DCC: variants seen among roughly 807,000 people sequenced by gnomAD.
DCC encodes netrin receptor DCC.
In DCC, 58 loss-of-function variants were observed where a neutral mutation model predicts 172.5. That is an observed-to-expected ratio of 0.34 (90% CI 0.27 to 0.42). The LOEUF (loss-of-function observed/expected upper bound fraction) is 0.42. Ranked by LOEUF, DCC falls within the 10% of genes least tolerant of loss-of-function variation. DCC has a pLI of 1.00. For missense variants in DCC, 1,740 were observed against 1,791.0 expected (o/e 0.97, Z 0.51); for synonymous variants, 709 against 644.5 (o/e 1.10, Z -1.52).
intron 12 of DCC, among the ~76,000 whole-genome samples, chr18:53,240,015 A>G (rs1193498706): frequency 7.4e-6 from 1 of 135,550 alleles, no homozygotes; most frequent in East Asian, 2.3e-4. Context: ...TCAAAATTCT[A>G]GTTCTAGAGT....
intron 15 of DCC, among the ~76,000 whole-genome samples, chr18:53,369,371 A>G (rs2058037589): frequency 6.6e-6 from 1 of 151,886 alleles, no homozygotes; most frequent in Non-Finnish European, 1.5e-5. Context: ...TAAAAACTGA[A>G]AAGTTATATT....
chr18:53,436,480 A>G (rs1382415985), intron 22 of DCC, among the ~76,000 whole-genome samples: 1 of 152,220 alleles, frequency 6.6e-6, no homozygotes, highest in Non-Finnish European at 1.5e-5. Context: ...GTGAAATAGA[A>G]TAGTGGTGTA....
intron 1 of DCC, among the ~76,000 whole-genome samples, chr18:52,537,792 A>G (rs1362283916): frequency 6.6e-6 from 1 of 152,200 alleles, no homozygotes; most frequent in African/African-American, 2.4e-5. Context: ...ATTATGCCTC[A>G]TGCCACTTGT....
At chr18:53,318,889 G>T in intron 13 of DCC, among the ~76,000 whole-genome samples, 1 of 151,846 alleles carries the variant, frequency 6.6e-6, no homozygotes, top group East Asian at 1.9e-4. Context: ...ACAAAGGGAA[G>T]CCCATCAGAC....
At chr18:53,058,796 A>G (rs1157590307) in intron 5 of DCC, among the ~76,000 whole-genome samples, 1 of 152,206 alleles carries the variant, frequency 6.6e-6, no homozygotes, top group African/African-American at 2.4e-5. Context: ...AATACAGTGC[A>G]GAAGAAACCA....
At chr18:52,522,865 G>A (rs1049724475) in intron 1 of DCC, among the ~76,000 whole-genome samples, 6 of 152,196 alleles carry the variant, frequency 3.9e-5, no homozygotes, top group Admixed American at 1.3e-4. Context: ...GAATGGTCAA[G>A]AAGAGGTTGG....
At chr18:52,707,245 C>G (rs1256829035) in intron 1 of DCC, among the ~76,000 whole-genome samples, 1 of 152,144 alleles carries the variant, frequency 6.6e-6, no homozygotes, top group Non-Finnish European at 1.5e-5. Context: ...ACTAGGGAGA[C>G]AAGAGCCCTG....
intron 1 of DCC, among the ~76,000 whole-genome samples, chr18:52,652,873 A>G (rs544994564): frequency 5.3e-5 from 8 of 152,166 alleles, no homozygotes; most frequent in African/African-American, 1.9e-4. Context: ...GTGGGTCTGG[A>G]ATACACAAGT....
At chr18:53,474,716 CTT>C (rs1187831154) in intron 25 of DCC, among the ~76,000 whole-genome samples, 1 of 152,190 alleles carries the variant, frequency 6.6e-6, no homozygotes, top group Non-Finnish European at 1.5e-5. Context: ...ACAGGTATGT[CTT>C]TATCAGCAGC....
intron 15 of DCC, among the ~76,000 whole-genome samples, chr18:53,366,475 TATAAA>T (rs1042556951): frequency 2.0e-5 from 3 of 152,142 alleles, no homozygotes; most frequent in Non-Finnish European, 4.4e-5. Flanking sequence ...CTAAGAATAT[TATAAA>T]ATAAAATAAA....
intron 2 of DCC, among the ~76,000 whole-genome samples, chr18:52,828,273 C>T (rs17386079): frequency 0.039 from 5,972 of 152,136 alleles, 172 homozygotes; most frequent in Admixed American, 0.059. Flanking sequence ...TATATTGATT[C>T]CAGTTAAGCA....
chr18:52,726,113 A>G (rs946695653), intron 1 of DCC, among the ~76,000 whole-genome samples: 3 of 152,204 alleles, frequency 2.0e-5, no homozygotes. Flanking sequence ...CCAAGTGTTG[A>G]ACACTAACTA....
chr18:53,338,533 G>GGAGGT (rs1245800592), intron 14 of DCC, among the ~76,000 whole-genome samples: 1 of 152,112 alleles, frequency 6.6e-6, no homozygotes, highest in East Asian at 1.9e-4. Context: ...CCCAGGAGGC[G>GGAGGT]GAGGTTGCAG....
intron 26 of DCC, among the ~76,000 whole-genome samples, chr18:53,491,570 A>G (rs1385854267): frequency 6.6e-6 from 1 of 151,818 alleles, no homozygotes; most frequent in Non-Finnish European, 1.5e-5. Context: ...TCTCCCACTT[A>G]TGAGTGAGAA....
At chr18:52,346,483 C>T (rs986148818) in intron 1 of DCC, among the ~76,000 whole-genome samples, 8 of 152,170 alleles carry the variant, frequency 5.3e-5, no homozygotes, top group African/African-American at 1.9e-4. Context: ...ACAACTAAAT[C>T]CCTTTAATTC....
chr18:53,283,593 C>T (rs2056898072), intron 12 of DCC, among the ~76,000 whole-genome samples: 1 of 152,106 alleles, frequency 6.6e-6, no homozygotes, highest in Non-Finnish European at 1.5e-5. Context: ...TATGCTTATT[C>T]CATTGCTCAC....
chr18:52,998,496 A>G (rs1260748587), intron 5 of DCC, among the ~76,000 whole-genome samples: 1 of 152,092 alleles, frequency 6.6e-6, no homozygotes, highest in Admixed American at 6.6e-5. Context: ...GCTTCTTTTT[A>G]GATATTGAGC....
At chr18:52,471,368 G>A (rs1988940456) in intron 1 of DCC, among the ~76,000 whole-genome samples, 1 of 152,134 alleles carries the variant, frequency 6.6e-6, no homozygotes, top group Non-Finnish European at 1.5e-5. Context: ...TCTGCTGGCT[G>A]ATTTCATCTT....
chr18:53,437,267 C>A (rs560256550), intron 22 of DCC, among the ~76,000 whole-genome samples: 2 of 152,268 alleles, frequency 1.3e-5, no homozygotes, highest in Non-Finnish European at 2.9e-5. Flanking sequence ...CAGTCCCTAA[C>A]ATACCCAACA....
Sources: allele counts gnomAD v4.1 joint callset (sites outside exome capture counted in the v4.1 genomes callset), GRCh38; gene constraint gnomAD v4.1.1; transcripts MANE v1.5; gene names NCBI Gene and HGNC (gene_info 2026-07-23, HGNC 2026-07-21).